The following USP34 variants were observed in gnomAD, a reference collection of about 807,000 sequenced individuals.
USP34 encodes ubiquitin specific peptidase 34, also known as ubiquitin carboxyl-terminal hydrolase 34.
Under a neutral mutation model 460.3 loss-of-function variants are expected in USP34, and 70 were observed. The observed-to-expected ratio is 0.15, with a 90% confidence interval of 0.13 to 0.19. The LOEUF (loss-of-function observed/expected upper bound fraction) is 0.19. Among genes scored for constraint, USP34 ranks in the 10% least tolerant of loss-of-function variants. The pLI, the probability that USP34 is intolerant of heterozygous loss-of-function variation, is 1.00. For synonymous variants in USP34, 1,647 were observed against 1,405.3 expected, an observed-to-expected ratio of 1.17 and a Z score of -3.85; for missense variants, 3,985 against 4,236.2, an observed-to-expected ratio of 0.94 and a Z score of 1.65.
At chr2:61,444,871 C>T (rs1304423823) in intron 1 of USP34, among the ~76,000 whole-genome samples, 1 of 150,240 alleles carries the variant, frequency 6.7e-6, no homozygotes, top group Admixed American at 6.7e-5. Flanking sequence ...GAGCCTCTTC[C>T]TTCTGCCTTA....
intron 75 of USP34, among the ~76,000 whole-genome samples, chr2:61,202,195 C>G (rs1459821335): frequency 1.3e-5 from 2 of 152,172 alleles, no homozygotes; most frequent in Admixed American, 1.3e-4. Context: ...AGGGTCACAT[C>G]TTCTGCCCTA....
At chr2:61,308,763 G>A (rs1199401987) in intron 27 of USP34, among the ~76,000 whole-genome samples, 1 of 152,134 alleles carries the variant, frequency 6.6e-6, no homozygotes, top group African/African-American at 2.4e-5. Flanking sequence ...CATGTTGGCT[G>A]GGCATGGTGG....
At chr2:61,189,155 T>C in intron 78 of USP34, 86 bp from the exon 79 acceptor site, 1 of 1,385,334 alleles carries the variant, frequency 7.2e-7, no homozygotes, top group East Asian at 2.4e-5. Flanking sequence ...ATGTTTATTT[T>C]CCCAGGAATC....
chr2:61,348,072 A>C lies in USP34; in HGVS notation c.2083T>G (p.Cys695Gly). 5 of 1,614,210 alleles carry C rather than the reference A, an allele frequency of 3.1e-6. No homozygotes were observed. The highest frequency in any genetic ancestry group is 4.2e-6 in the Non-Finnish European group (5 of 1,180,030). ...VDNRMRMLDA[C>G]SHSEDPEHDI... ...TGTTCTGGGTCTTCAGAGTGTGAAC[A>C]AGCATCCAGCATTCGCATTCGATTA... Residue 695 changes from cysteine (C) to glycine (G), a missense_variant, in exon 15 of 80, where the codon TGT becomes GGT. This residue lies in a region of USP34 where 716 missense variants were observed against 626.2 expected (regional missense o/e 1.14). Transcript: ENST00000398571.
At chr2:61,465,224 A>T (rs563523493) in intron 1 of USP34, among the ~76,000 whole-genome samples, 1 of 152,280 alleles carries the variant, frequency 6.6e-6, no homozygotes, top group Admixed American at 6.5e-5. Flanking sequence ...GGTACTTATG[A>T]TAGGATCCTT....
intron 25 of USP34, among the ~76,000 whole-genome samples, chr2:61,312,510 TAAA>T (rs35145394): frequency 7.4e-6 from 1 of 135,348 alleles, no homozygotes. Context: ...TACCTGAGTT[TAAA>T]AAAAAAAAAA....
Position 61,317,658 on chromosome 2 carries a change from G to A in USP34, c.3278C>T (p.Ser1093Phe), listed in dbSNP as rs374438424. Residue 1093 changes from serine (S) to phenylalanine (F), a missense_variant, in exon 23 of 80, where the codon TCT (serine) becomes TTT (phenylalanine). Physicochemically the swap from Ser to Phe is radical, Grantham distance 155 (BLOSUM62 -2). Coordinates refer to ENST00000398571, the MANE Select transcript of USP34 (RefSeq NM_014709.4). Reference protein sequence around the residue: ...ATSAYDGCSNSELCGMDQFWG... With the variant: ...ATSAYDGCSNFELCGMDQFWG... ...AAAGTAAGTCTAAATCCATACCTCA[G>A]AATTTGAACAACCATCATAGGCACT... The A allele has an allele frequency of 1.9e-6, 3 of 1,612,926 alleles. No individual in the cohort carries two copies. Among genetic ancestry groups the A allele is most frequent in the Non-Finnish European group, 2.5e-6 (3 of 1,179,208 alleles).
chr2:61,195,781 T>C (rs1033551013), intron 75 of USP34, among the ~76,000 whole-genome samples: 1 of 152,194 alleles, frequency 6.6e-6, no homozygotes, highest in Admixed American at 6.5e-5. Context: ...AAGAGTCTGC[T>C]AACCCACTAA....
chr2:61,204,204 T>G (rs1346929938), intron 74 of USP34, 52 bp downstream of exon 74: 1 of 1,605,710 alleles, frequency 6.2e-7, no homozygotes, highest in Non-Finnish European at 8.5e-7. Flanking sequence ...GGGAAAAATT[T>G]CAAATTACTT....
chr2:61,435,528 A>C (rs1694789651), intron 1 of USP34, among the ~76,000 whole-genome samples: 1 of 152,094 alleles, frequency 6.6e-6, no homozygotes, highest in African/African-American at 2.4e-5. Flanking sequence ...AGGAGAAATA[A>C]ACCTTCACAA....
intron 29 of USP34, among the ~76,000 whole-genome samples, chr2:61,299,610 G>A (rs759571857): frequency 3.9e-5 from 6 of 152,006 alleles, no homozygotes; most frequent in Non-Finnish European, 5.9e-5. Flanking sequence ...AATTAGCCAG[G>A]CACATTGGCA....
At chr2:61,298,132 C>A (rs181981758) in intron 29 of USP34, among the ~76,000 whole-genome samples, 57 of 152,116 alleles carry the variant, frequency 3.7e-4, no homozygotes, top group South Asian at 1.7e-3. Context: ...AGTAAAGATA[C>A]TTTATTTTTA....
chr2:61,350,277 G>T lies in USP34; in HGVS notation c.1490C>A (p.Pro497His), dbSNP rs1333751204. 3.1e-6 allele frequency: 5 copies of T among 1,603,808 alleles called. No individual in the cohort carries two copies. Among genetic ancestry groups the T allele is most frequent in the Non-Finnish European group, 4.3e-6 (5 of 1,175,952 alleles). The change falls in exon 12 of 80, where the codon CCC (proline) becomes CAC (histidine). Residue 497 changes from proline (P) to histidine (H), a missense_variant. Physicochemically the swap from Pro to His is moderately conservative, Grantham distance 77. This residue lies in a region of USP34 where 716 missense variants were observed against 626.2 expected (regional missense o/e 1.14). Transcript: ENST00000398571. ...SFASLLNTNI[P>H]IGNKKEEEEL... ...TTACTAACCTTTCTTATTTCCAATG[G>T]GAATATTAGTATTTAATAAAGATGC...
chr2:61,283,570 TGTGTGAGTGAGA>T (rs1272945616), intron 35 of USP34, 121 bp from the exon 36 acceptor site: 1 of 969,022 alleles, frequency 1.0e-6, no homozygotes, highest in Non-Finnish European at 1.5e-6. Flanking sequence ...AAGCAGTGGG[TGTGTGAGTGAGA>T]GTGAGAGTGA....
chr2:61,408,053 T>G (rs1427167694), intron 2 of USP34, among the ~76,000 whole-genome samples: 4 of 152,112 alleles, frequency 2.6e-5, no homozygotes, highest in Admixed American at 6.6e-5. Context: ...AAACAAAGAT[T>G]GCAGTGAGCC....
chr2:61,374,229 C>A (rs1336321658), intron 8 of USP34, among the ~76,000 whole-genome samples: 1 of 151,922 alleles, frequency 6.6e-6, no homozygotes, highest in East Asian at 1.9e-4. Flanking sequence ...GAGGCCAACC[C>A]TTATGCCTAA....
At chr2:61,420,638 A>G (rs1694327521) in intron 2 of USP34, 108 bp downstream of exon 2, 3 of 590,232 alleles carry the variant, frequency 5.1e-6, no homozygotes, top group Non-Finnish European at 8.6e-6. Context: ...TCATTTAGTA[A>G]CTAATGGTAT....
chr2:61,229,979 C>T (rs1321108576), intron 58 of USP34, among the ~76,000 whole-genome samples: 4 of 151,832 alleles, frequency 2.6e-5, no homozygotes, highest in Admixed American at 6.6e-5. Context: ...GGGGAAGGGC[C>T]GCTGCTCATC....
chr2:61,220,179 A>AGG, intron 67 of USP34, 131 bp downstream of exon 67: 4 of 500,938 alleles, frequency 8.0e-6, no homozygotes, highest in Admixed American at 4.3e-5. Flanking sequence ...AAAAAAAAAA[A>AGG]AAAGGAAATA....
Sources: gnomAD v4.1 joint callset for allele counts (sites outside exome capture counted in the v4.1 genomes callset) on GRCh38, gnomAD v4.1.1 for gene constraint, gnomAD v4.1.1 regional missense constraint, MANE v1.5 for transcripts, NCBI Gene and HGNC (gene_info 2026-07-23, HGNC 2026-07-21) for gene names.